PLCG2: variants seen among roughly 807,000 people sequenced by gnomAD.
The protein encoded by PLCG2 is 1-phosphatidylinositol 4,5-bisphosphate phosphodiesterase gamma-2.
PLCG2 carries 69 observed loss-of-function variants against 175.6 expected under a neutral mutation model. That is an observed-to-expected ratio of 0.39 (90% CI 0.32 to 0.48). The LOEUF (loss-of-function observed/expected upper bound fraction) is 0.48, where lower values mean the gene tolerates loss of function less well. Ranked by LOEUF, PLCG2 falls within the 20% of genes least tolerant of loss-of-function variation. The pLI is 0.91. For missense variants in PLCG2, 1,798 were observed against 1,650.9 expected (o/e 1.09, Z -1.54); for synonymous variants, 827 against 624.0 (o/e 1.33, Z -4.85).
At chr16:81,785,897 C>G (rs143618645) in intron 1 of PLCG2, 46 bp from the exon 2 acceptor site, 1 of 1,186,580 alleles carries the variant, frequency 8.4e-7, no homozygotes, top group Admixed American at 2.1e-5. Context: ...TAACTAAACC[C>G]CTTTCAGTAC....
In PLCG2 at chr16:81,912,618, C is replaced by T. The variant is rs754274096; in HGVS notation, c.1956C>T (p.Ser652=). The T allele has an allele frequency of 3.1e-6, 5 of 1,613,054 alleles. No homozygotes were observed. In the South Asian group the frequency reaches 3.3e-5, roughly 11 times the overall value. ...GCAGGTGGTACTATGACAGCCTGAG[C>T]CGCGGAGAGGCAGAGGACATGCTGA... ...ESKPWYYDSL[S]RGEAEDMLMR... is the part of the protein sequence containing the mutation. Residue 652 remains serine, a synonymous_variant, in exon 19 of 33, where the codon AGC becomes AGT. Transcript: ENST00000564138.
chr16:81,746,872 A>G (rs1387995684), intron 1 of PLCG2, among the ~76,000 whole-genome samples: 2 of 152,178 alleles, frequency 1.3e-5, no homozygotes, highest in Non-Finnish European at 2.9e-5. Flanking sequence ...AGGAGTATGA[A>G]TTCTGCTCCA....
chr16:81,774,556 T>C (rs528595026), upstream of PLCG2, among the ~76,000 whole-genome samples: 150 of 151,852 alleles, frequency 9.9e-4, no homozygotes, highest in Non-Finnish European at 1.9e-3. Flanking sequence ...CTCTGAACAA[T>C]GTTGGGAAAG....
At position 81,854,597 on chromosome 16, in the gene PLCG2, T is replaced by C; in HGVS notation, c.337+10T>C. The C allele has an allele frequency of 6.2e-7, 1 of 1,612,234 alleles. No homozygotes were observed. Among genetic ancestry groups the C allele is most frequent in the Non-Finnish European group, 8.5e-7 (1 of 1,178,438 alleles). ...ACGCTCAGCTTGGCAGGTAGGTGCA[T>C]GTTTCTGTGCCTTTCTCCTTCCCTG... On this transcript the variant is annotated intron_variant, in intron 3 of 32. Coordinates refer to ENST00000564138, the MANE Select transcript of PLCG2 (RefSeq NM_002661.5).
intron 9 of PLCG2, among the ~76,000 whole-genome samples, chr16:81,886,686 C>T (rs1435814054): frequency 6.6e-6 from 1 of 152,174 alleles, no homozygotes; most frequent in Non-Finnish European, 1.5e-5. Flanking sequence ...GTCTGAGGCT[C>T]ATGACTGGGA....
At chr16:81,753,314 G>C (rs1352597919) in intron 1 of PLCG2, among the ~76,000 whole-genome samples, 1 of 131,082 alleles carries the variant, frequency 7.6e-6, no homozygotes, top group African/African-American at 2.9e-5. Context: ...GTTATGCCAA[G>C]TTCAGCATTG....
chr16:81,882,677 G>A (rs878929675), intron 8 of PLCG2, among the ~76,000 whole-genome samples: 2 of 149,932 alleles, frequency 1.3e-5, no homozygotes, highest in Admixed American at 6.6e-5. Context: ...TTTTTTCCTC[G>A]AGGCCGCTGC....
In PLCG2 at chr16:81,891,527, C is replaced by T. The variant is rs199636472; in HGVS notation, c.923C>T (p.Ala308Val). The T allele has an allele frequency of 9.8e-4, 1,588 of 1,612,504 alleles. 5 individuals carry two copies. The highest frequency in any genetic ancestry group is 2.2e-3 in the South Asian group (198 of 91,060). ...ENSIWDEKYD[A>V]VDMQDMNNPL... ...AGCATCTGGGATGAGAAGTATGACG[C>T]GGTGGACATGCAGGACATGAACAAC... The change falls in exon 11 of 33, where the codon GCG becomes GTG. Residue 308 changes from alanine to valine, a missense_variant. Coordinates refer to ENST00000564138, the MANE Select transcript of PLCG2 (RefSeq NM_002661.5).
intron 11 of PLCG2, among the ~76,000 whole-genome samples, chr16:81,893,265 C>A (rs992417181): frequency 4.6e-5 from 7 of 152,172 alleles, no homozygotes; most frequent in African/African-American, 1.4e-4. Flanking sequence ...CTAGCATAGC[C>A]GATTGCACCA....
intron 2 of PLCG2, among the ~76,000 whole-genome samples, chr16:81,807,541 T>A (rs1410926627): frequency 6.6e-6 from 1 of 152,214 alleles, no homozygotes; most frequent in African/African-American, 2.4e-5. Context: ...AGTATATGTT[T>A]ATGTACCTGT....
intron 7 of PLCG2, among the ~76,000 whole-genome samples, chr16:81,872,732 G>C (rs7197677): frequency 0.52 from 78,831 of 151,840 alleles, 21,490 homozygotes; most frequent in Non-Finnish European, 0.61. Context: ...GGAACTTGGA[G>C]TCAGGTGGCT....
At position 81,934,432 on chromosome 16, in the gene PLCG2, A is replaced by G; in HGVS notation, c.2743A>G (p.Asn915Asp). The G allele has an allele frequency of 6.2e-7, 1 of 1,607,300 alleles. No homozygotes were observed. Among genetic ancestry groups the G allele is most frequent in the Non-Finnish European group, 8.5e-7 (1 of 1,174,054 alleles). ...AAAGACAGTGAACTCCAAACAGGAG[A>G]ACAACATGAAGTACTGGGAGAAGAA... ...EITWKIDTKE[N>D]NMKYWEKNQS... is the part of the protein sequence containing the mutation. Residue 915 changes from asparagine (N) to aspartate (D), a missense_variant, in exon 26 of 33, where the codon AAC (asparagine) becomes GAC (aspartate). By Grantham distance (23) the Asn-to-Asp change is conservative (BLOSUM62 1). Transcript: ENST00000564138.
Position 81,912,734 on chromosome 16 carries a change from A to G in PLCG2, c.2054+18A>G. ...ACCTTCAGGTGGGTGCGAGGGTGGG[A>G]GGCACATGCTCTACAGAGGGGCTTG... On this transcript the variant is annotated intron_variant, in intron 19 of 32. Coordinates refer to ENST00000564138, the MANE Select transcript of PLCG2 (RefSeq NM_002661.5). The G allele has an allele frequency of 6.3e-7, 1 of 1,583,024 alleles. No homozygotes were observed. Among genetic ancestry groups the G allele is most frequent in the Non-Finnish European group, 8.6e-7 (1 of 1,165,468 alleles).
intron 24 of PLCG2, among the ~76,000 whole-genome samples, chr16:81,930,541 A>G (rs1267706551): frequency 6.6e-6 from 1 of 152,122 alleles, no homozygotes; most frequent in African/African-American, 2.4e-5. Context: ...TGAGCTCAGG[A>G]GTTCGAGACC....
intron 14 of PLCG2, among the ~76,000 whole-genome samples, chr16:81,902,560 C>G (rs1397477964): frequency 6.6e-6 from 1 of 151,998 alleles, no homozygotes; most frequent in African/African-American, 2.4e-5. Context: ...GGCACCATTC[C>G]CATTGTTGAG....
chr16:81,858,011 A>G (rs988514664), intron 3 of PLCG2: 10 of 471,460 alleles, frequency 2.1e-5, no homozygotes, highest in Non-Finnish European at 3.8e-5. Context: ...AGCTGATTCC[A>G]TTTGGCACAG....
At position 81,843,632 on chromosome 16, in the gene PLCG2, G is replaced by T. The variant is rs781027939; in HGVS notation, c.194-10812G>T. ...CTTTGATGAACCCATTGCTAAGCAT[G>T]TTTGCAAAAAGTACATAGGATACTA... is the stretch of plus-strand genomic sequence containing the variant. On this transcript the variant is annotated intron_variant, in intron 2 of 32. Coordinates refer to ENST00000564138, the MANE Select transcript of PLCG2 (RefSeq NM_002661.5). Among the ~76,000 whole-genome samples the T allele has an allele frequency of 3.3e-5, 5 of 152,174 alleles. No individual in the cohort carries two copies. In the East Asian group the frequency reaches 9.6e-4, roughly 29 times the overall value.
chr16:81,901,976 G>A (rs915573786), intron 14 of PLCG2, among the ~76,000 whole-genome samples: 3 of 152,192 alleles, frequency 2.0e-5, no homozygotes, highest in Admixed American at 6.5e-5. Context: ...CACAAAAACG[G>A]TGAAGGGACT....
chr16:81,762,172 T>C (rs1910055403), intron 2 of PLCG2, among the ~76,000 whole-genome samples: 1 of 152,188 alleles, frequency 6.6e-6, no homozygotes, highest in Admixed American at 6.5e-5. Flanking sequence ...CACATCTGTC[T>C]ATGCCTCTTT....
Sources: allele counts gnomAD v4.1 joint callset (sites outside exome capture counted in the v4.1 genomes callset), GRCh38; gene constraint gnomAD v4.1.1; transcripts MANE v1.5; gene names NCBI Gene and HGNC (gene_info 2026-07-23, HGNC 2026-07-21).